RBL1: variants seen among roughly 807,000 people sequenced by gnomAD.
RBL1 encodes the protein RB transcriptional corepressor like 1, also known as retinoblastoma-like protein 1.
A neutral mutation model predicts 123.0 loss-of-function variants in RBL1; 82 were observed. The ratio of observed to expected loss-of-function variants is 0.67; its 90% CI spans 0.56 to 0.80. RBL1 has a LOEUF of 0.80. RBL1 is among the 30% of genes least tolerant of loss of function. The probability of loss-of-function intolerance (pLI) is 0.00; values close to 1 mark genes in which losing one functional copy is unlikely to be tolerated. For synonymous variants in RBL1, 405 were observed against 441.3 expected (o/e 0.92, Z 1.03); for missense variants, 1,171 against 1,299.6 (o/e 0.90, Z 1.52).
chr20:37,043,175 C>CACAT, intron 13 of RBL1, among the ~76,000 whole-genome samples: 1 of 151,340 alleles, frequency 6.6e-6, no homozygotes, highest in African/African-American at 2.4e-5. Context: ...CACACACACA[C>CACAT]ACACACACAC....
intron 13 of RBL1, among the ~76,000 whole-genome samples, chr20:37,042,900 C>T (rs6130417): frequency 1.7e-5 from 2 of 118,082 alleles, no homozygotes; most frequent in Non-Finnish European, 3.6e-5. Flanking sequence ...TCTTGTCCCC[C>T]CCCCTCCAAA....
intron 21 of RBL1, 113 bp downstream of exon 21, chr20:37,003,589 A>G: frequency 7.3e-7 from 1 of 1,361,116 alleles, no homozygotes; most frequent in South Asian, 2.1e-5. Flanking sequence ...TTAACATTTC[A>G]TATTTTATTA....
intron 9 of RBL1, among the ~76,000 whole-genome samples, chr20:37,057,837 A>C (rs1462599063): frequency 6.6e-6 from 1 of 151,988 alleles, no homozygotes; most frequent in Non-Finnish European, 1.5e-5. Flanking sequence ...AAAATACAAA[A>C]ATTGGCCAGG....
intron 14 of RBL1, among the ~76,000 whole-genome samples, chr20:37,036,739 C>CCT (rs2064618969): frequency 6.6e-6 from 1 of 151,596 alleles, no homozygotes; most frequent in Non-Finnish European, 1.5e-5. Flanking sequence ...CATTCTCCTG[C>CCT]CTCAGCCTCC....
chr20:37,080,062 A>AC (rs1417687411), intron 2 of RBL1, among the ~76,000 whole-genome samples: 1 of 146,966 alleles, frequency 6.8e-6, no homozygotes, highest in Non-Finnish European at 1.5e-5. Context: ...GATAGAATGT[A>AC]CTTTTTTTTT....
chr20:37,052,476 C>T (rs547109141), intron 11 of RBL1, among the ~76,000 whole-genome samples: 102 of 152,100 alleles, frequency 6.7e-4, no homozygotes, highest in South Asian at 1.2e-3. Flanking sequence ...GGATTGCAGG[C>T]GCCTGCCACC....
At chr20:37,012,929 C>T (rs2146212498) in intron 19 of RBL1, among the ~76,000 whole-genome samples, 1 of 149,838 alleles carries the variant, frequency 6.7e-6, no homozygotes, top group Non-Finnish European at 1.5e-5. Context: ...GGTTCAGCCC[C>T]CCCGCCAGCC....
chr20:37,044,690 T>A (rs898349982), intron 12 of RBL1, among the ~76,000 whole-genome samples: 2 of 152,228 alleles, frequency 1.3e-5, no homozygotes, highest in African/African-American at 2.4e-5. Context: ...GAACCATAAT[T>A]CTGTGGCTTA....
intron 2 of RBL1, 146 bp from the exon 3 acceptor site, chr20:37,068,332 A>C (rs2065217166): frequency 4.1e-6 from 5 of 1,228,626 alleles, no homozygotes; most frequent in Non-Finnish European, 5.5e-6. Flanking sequence ...TCTCTACAAA[A>C]ATTTAAAAAA....
At chr20:37,056,457 C>T (rs2065009276) in intron 9 of RBL1, among the ~76,000 whole-genome samples, 199 bp from the exon 10 acceptor site, 1 of 148,920 alleles carries the variant, frequency 6.7e-6, no homozygotes, top group South Asian at 2.1e-4. Flanking sequence ...AGGGTTCAAG[C>T]GATTCTCCTG....
chr20:37,055,843 G>A (rs1389477793), intron 10 of RBL1, among the ~76,000 whole-genome samples, 187 bp from the exon 11 acceptor site: 1 of 152,084 alleles, frequency 6.6e-6, no homozygotes. Flanking sequence ...GAGGTCCGGA[G>A]TCTGAGACCA....
intron 1 of RBL1, among the ~76,000 whole-genome samples, chr20:37,093,932 T>A (rs1350904646): frequency 2.0e-5 from 3 of 151,666 alleles, no homozygotes; most frequent in Non-Finnish European, 4.4e-5. Flanking sequence ...TGAGCCACCG[T>A]GCGCCCGGCC....
chr20:37,040,384 T>C, intron 13 of RBL1, 99 bp from the exon 14 acceptor site: 1 of 1,473,536 alleles, frequency 6.8e-7, no homozygotes, highest in Non-Finnish European at 9.0e-7. Context: ...TAAAGTCTCA[T>C]TCTGTTGCCC....
rs11340151 is a variant in RBL1, at chr20:37,036,626, C to CT, written c.1904-1119dup. The stretch of plus-strand genomic sequence containing the variant: ...ATAGTCATGTAATCTATTTTCTTTT[C>CT]TTTTTTTTTTTTTTTTTGAGATGGA... On this transcript the variant is annotated intron_variant, in intron 14 of 21. Coordinates refer to ENST00000373664, the MANE Select transcript of RBL1 (RefSeq NM_002895.5). Among the ~76,000 whole-genome samples, 461 of 107,826 alleles carry CT rather than the reference C, an allele frequency of 4.3e-3. 6 individuals carry two copies. Among genetic ancestry groups the CT allele is most frequent in the Middle Eastern group, 0.012 (2 of 172 alleles). 70.7% of individuals were successfully genotyped at this position (107,826 alleles called of 152,430 possible).
chr20:37,016,999 GAAGACGAGACGAGACGAGAC>G (rs1301357414), intron 19 of RBL1, among the ~76,000 whole-genome samples: 1 of 151,168 alleles, frequency 6.6e-6, no homozygotes, highest in Non-Finnish European at 1.5e-5. Context: ...GGAGAGGAGA[GAAGACGAGACGAGACGAGAC>G]AAGACGAGAC....
intron 19 of RBL1, among the ~76,000 whole-genome samples, chr20:37,012,276 C>T (rs28694825): frequency 2.6e-5 from 4 of 152,214 alleles, no homozygotes; most frequent in South Asian, 2.1e-4. Flanking sequence ...AGCCTCTGCC[C>T]GGCCGCCACC....
chr20:37,012,298 G>T (rs2064164765), intron 19 of RBL1, among the ~76,000 whole-genome samples: 1 of 152,168 alleles, frequency 6.6e-6, no homozygotes, highest in Non-Finnish European at 1.5e-5. Flanking sequence ...CGTCTGGGAA[G>T]TGAGGAGCGT....
rs534608561 is a variant in RBL1, at chr20:37,093,205, T to C, written c.156+2568A>G. Among the ~76,000 whole-genome samples the C allele has an allele frequency of 1.8e-4, 28 of 152,164 alleles. 1 individual carries two copies. In the South Asian group the frequency reaches 4.6e-3, roughly 25 times the overall value. ...CAGGTAGACTAGAGAGGGGTAGGGA[T>C]TGGAGAAAGACTTCTTAGGAAGCAT... On this transcript the variant is annotated intron_variant, in intron 1 of 21. Coordinates refer to ENST00000373664, the MANE Select transcript of RBL1 (RefSeq NM_002895.5).
chr20:37,040,208 AGGAGACATTGGCATCAGG>A lies in RBL1; in HGVS notation c.1830_1847del (p.Pro613_Met618del), dbSNP rs1568848472. 6.2e-7 allele frequency: 1 copy of A among 1,614,114 alleles called. No homozygotes were observed. The highest frequency in any genetic ancestry group is 8.5e-7 in the Non-Finnish European group (1 of 1,180,012). ...CTTCCTTGACTCTTGGGTGCATTAG[AGGAGACATTGGCATCAGG>A]GGAAGATGTCCCTGCACATTTCCTC... On this transcript the variant is annotated inframe_deletion, in exon 14 of 22. Coordinates refer to ENST00000373664, the MANE Select transcript of RBL1 (RefSeq NM_002895.5).
Sources: allele counts gnomAD v4.1 joint callset (sites outside exome capture counted in the v4.1 genomes callset), GRCh38; gene constraint gnomAD v4.1.1; transcripts MANE v1.5; gene names NCBI Gene and HGNC (gene_info 2026-07-23, HGNC 2026-07-21).